Variants in SH3D19 observed in about 807,000 individuals in gnomAD.
SH3D19 encodes SH3 domain containing 19.
In SH3D19, 58 loss-of-function variants were observed where a neutral mutation model predicts 112.1. That is an observed-to-expected ratio of 0.52 (90% CI 0.42 to 0.64). The LOEUF is 0.64. Ranked by LOEUF, SH3D19 falls within the 30% of genes least tolerant of loss-of-function variation. The probability of loss-of-function intolerance (pLI) is 0.00; values close to 1 mark genes in which losing one functional copy is unlikely to be tolerated. For missense variants in SH3D19, 1,090 were observed against 1,263.4 expected (o/e 0.86, Z 2.08); for synonymous variants, 391 against 448.5 (o/e 0.87, Z 1.62).
At chr4:151,199,476 G>T (rs1430643668) in intron 2 of SH3D19, among the ~76,000 whole-genome samples, 1 of 152,136 alleles carries the variant, frequency 6.6e-6, no homozygotes, top group Non-Finnish European at 1.5e-5. Context: ...ATAATATTGT[G>T]GGTGGACAGA....
chr4:151,255,436 G>A (rs1361877285), intron 1 of SH3D19, among the ~76,000 whole-genome samples: 16 of 151,594 alleles, frequency 1.1e-4, no homozygotes, highest in African/African-American at 2.9e-4. Context: ...ATGGGCGGCC[G>A]GGCAGAGACG....
At chr4:151,285,244 C>T (rs1438864640) in intron 1 of SH3D19, among the ~76,000 whole-genome samples, 2 of 152,098 alleles carry the variant, frequency 1.3e-5, no homozygotes, top group East Asian at 3.8e-4. Context: ...TTGTCAGAGA[C>T]AAGTCACTCC....
intron 19 of SH3D19, among the ~76,000 whole-genome samples, chr4:151,126,240 T>C (rs1457173658): frequency 6.6e-6 from 1 of 152,204 alleles, no homozygotes; most frequent in Non-Finnish European, 1.5e-5. Flanking sequence ...TCTCATCTTG[T>C]TGCAGACAAG....
chr4:151,319,211 GC>G (rs1198873545), intron 1 of SH3D19, among the ~76,000 whole-genome samples: 2 of 152,078 alleles, frequency 1.3e-5, no homozygotes, highest in Non-Finnish European at 2.9e-5. Flanking sequence ...ACCACATCTG[GC>G]TAATTTTTTG....
intron 8 of SH3D19, among the ~76,000 whole-genome samples, chr4:151,164,936 A>G (rs1757748105): frequency 6.6e-6 from 1 of 152,220 alleles, no homozygotes; most frequent in Non-Finnish European, 1.5e-5. Context: ...CTCTTCACCG[A>G]ATTCACACAT....
chr4:151,132,398 C>A lies in SH3D19; in HGVS notation c.2690-15G>T, dbSNP rs200896320. The A allele has an allele frequency of 8.1e-6, 13 of 1,610,334 alleles. No homozygotes were observed. The highest frequency in any genetic ancestry group is 1.6e-4 in the Middle Eastern group (1 of 6,066). On this transcript the variant is annotated splice_polypyrimidine_tract_variant and intron_variant, in intron 16 of 19. Transcript: ENST00000604030. ...TACCTTTGTGCCTACATTAAAAAAA[C>A]AAACAAACACAAGAAGTCAGAACAT...
At chr4:151,322,461 C>A in intron 1 of SH3D19, among the ~76,000 whole-genome samples, 1 of 142,642 alleles carries the variant, frequency 7.0e-6, no homozygotes. Flanking sequence ...AAAAACCTTT[C>A]CTGAATTGAC....
chr4:151,160,089 T>C (rs989060230), intron 8 of SH3D19, among the ~76,000 whole-genome samples: 1 of 144,260 alleles, frequency 6.9e-6, no homozygotes, highest in East Asian at 2.0e-4. Flanking sequence ...TTTTATTTCT[T>C]TTTTTTTTTT....
At chr4:151,259,344 A>C (rs1268478064) in intron 1 of SH3D19, among the ~76,000 whole-genome samples, 1 of 152,174 alleles carries the variant, frequency 6.6e-6, no homozygotes, top group Non-Finnish European at 1.5e-5. Context: ...GCATGCCTGG[A>C]TGGACTGAGG....
chr4:151,200,213 C>A (rs1764194628), intron 2 of SH3D19, among the ~76,000 whole-genome samples: 1 of 151,924 alleles, frequency 6.6e-6, no homozygotes, highest in Non-Finnish European at 1.5e-5. Flanking sequence ...CCTGAATGGA[C>A]TAACACATAC....
At chr4:151,141,313 ATTGGG>A (rs1752938048) in intron 12 of SH3D19, among the ~76,000 whole-genome samples, 1 of 151,992 alleles carries the variant, frequency 6.6e-6, no homozygotes, top group Admixed American at 6.6e-5. Context: ...TTTTGTAGAG[ATTGGG>A]TCTCGCCACG....
intron 1 of SH3D19, among the ~76,000 whole-genome samples, chr4:151,302,662 G>A (rs1026609946): frequency 1.3e-5 from 2 of 152,230 alleles, no homozygotes; most frequent in Non-Finnish European, 2.9e-5. Flanking sequence ...AAAACAGTCA[G>A]TGAGCCTGGG....
intron 9 of SH3D19, among the ~76,000 whole-genome samples, chr4:151,158,484 G>A (rs1371135880): frequency 6.6e-6 from 1 of 151,960 alleles, no homozygotes; most frequent in Non-Finnish European, 1.5e-5. Context: ...ATTTTTAGTA[G>A]AAACGAGGTT....
intron 11 of SH3D19, chr4:151,144,330 ACCT>A: frequency 6.4e-7 from 1 of 1,560,014 alleles, no homozygotes; most frequent in Non-Finnish European, 8.8e-7. Flanking sequence ...CAATCAAATA[ACCT>A]CCTCTTAAGT....
At chr4:151,125,364 G>A (rs1184296609) in intron 19 of SH3D19, among the ~76,000 whole-genome samples, 1 of 152,026 alleles carries the variant, frequency 6.6e-6, no homozygotes, top group Non-Finnish European at 1.5e-5. Flanking sequence ...TCAGGGAGCT[G>A]AGGGGTGGAG....
intron 12 of SH3D19, chr4:151,140,574 A>G (rs760777288): frequency 2.6e-5 from 4 of 152,200 alleles, no homozygotes; most frequent in Non-Finnish European, 5.9e-5. Context: ...CTTCTTATTG[A>G]CTAGCAATTG....
intron 19 of SH3D19, among the ~76,000 whole-genome samples, chr4:151,125,511 A>T (rs1749058373): frequency 6.6e-6 from 1 of 150,592 alleles, no homozygotes; most frequent in Non-Finnish European, 1.5e-5. Context: ...AAAAAAAGAA[A>T]GAAAGAAAGA....
chr4:151,131,579 C>G (rs549355283), intron 17 of SH3D19, among the ~76,000 whole-genome samples: 6 of 151,516 alleles, frequency 4.0e-5, no homozygotes, highest in East Asian at 1.9e-4. Context: ...CTCTGCCCCC[C>G]GGGTTCACGC....
At chr4:151,125,317 C>A (rs1748964697) in intron 19 of SH3D19, among the ~76,000 whole-genome samples, 1 of 151,640 alleles carries the variant, frequency 6.6e-6, no homozygotes, top group Non-Finnish European at 1.5e-5. Flanking sequence ...CAAAAATTAG[C>A]CAGGCATTGG....
Sources: gnomAD v4.1 joint callset for allele counts (sites outside exome capture counted in the v4.1 genomes callset) on GRCh38, gnomAD v4.1.1 for gene constraint, MANE v1.5 for transcripts, NCBI Gene and HGNC (gene_info 2026-07-23, HGNC 2026-07-21) for gene names.